Variants in PDE10A observed in about 807,000 individuals in gnomAD.
PDE10A encodes the protein phosphodiesterase 10A.
A neutral mutation model predicts 97.7 loss-of-function variants in PDE10A; 39 were observed. The observed-to-expected ratio is 0.40, with a 90% confidence interval of 0.31 to 0.52. PDE10A has a LOEUF of 0.52. PDE10A is among the 20% of genes least tolerant of loss of function. The pLI, the probability that PDE10A is intolerant of heterozygous loss-of-function variation, is 0.56. For missense variants in PDE10A, 731 were observed against 1,047.8 expected, an observed-to-expected ratio of 0.70 and a Z score of 4.17; for synonymous variants, 371 against 376.8, an observed-to-expected ratio of 0.98 and a Z score of 0.18.
At chr6:165,479,963 C>T (rs182510424) in intron 3 of PDE10A, among the ~76,000 whole-genome samples, 4 of 152,210 alleles carry the variant, frequency 2.6e-5, no homozygotes, top group Admixed American at 6.5e-5. Flanking sequence ...CCATTAAAAC[C>T]GTACTGACAG....
chr6:165,336,742 C>T (rs971891017), intron 20 of PDE10A, among the ~76,000 whole-genome samples: 2 of 126,068 alleles, frequency 1.6e-5, no homozygotes, highest in African/African-American at 6.2e-5. Context: ...GGCGACAGAG[C>T]GAGACTCCGT....
At chr6:165,625,879 T>G (rs568099612) in intron 1 of PDE10A, among the ~76,000 whole-genome samples, 2 of 152,290 alleles carry the variant, frequency 1.3e-5, no homozygotes, top group Admixed American at 6.5e-5. Flanking sequence ...ACACTAACTT[T>G]CCATGAAAAC....
At chr6:165,468,812 GGATT>G (rs1249259614) in intron 3 of PDE10A, among the ~76,000 whole-genome samples, 3 of 152,150 alleles carry the variant, frequency 2.0e-5, no homozygotes, top group Non-Finnish European at 2.9e-5. Flanking sequence ...CTCCATTACT[GGATT>G]GTTATTATAT....
intron 1 of PDE10A, among the ~76,000 whole-genome samples, chr6:165,577,332 C>T (rs1264249527): frequency 6.6e-6 from 1 of 152,120 alleles, no homozygotes; most frequent in Non-Finnish European, 1.5e-5. Flanking sequence ...TCCTGGGGGA[C>T]GTGGAGTGAT....
chr6:165,873,859 G>GT (rs1276932918), intron 1 of PDE10A, among the ~76,000 whole-genome samples: 5 of 152,034 alleles, frequency 3.3e-5, no homozygotes, highest in South Asian at 4.2e-4. Flanking sequence ...TTACTACTGG[G>GT]TTTTTTTAAA....
upstream of PDE10A, among the ~76,000 whole-genome samples, chr6:165,666,055 G>C (rs890382183): frequency 2.0e-5 from 3 of 152,176 alleles, no homozygotes; most frequent in Non-Finnish European, 2.9e-5. Context: ...ATTTTGAAAT[G>C]AGGATTTTCC....
intron 2 of PDE10A, among the ~76,000 whole-genome samples, chr6:165,535,838 T>C (rs1386110784): frequency 6.6e-6 from 1 of 151,792 alleles, no homozygotes; most frequent in East Asian, 1.9e-4. Flanking sequence ...CAAAAAAATA[T>C]GGAATTATGT....
At chr6:165,741,608 A>G (rs749962808) in intron 1 of PDE10A, among the ~76,000 whole-genome samples, 5 of 152,204 alleles carry the variant, frequency 3.3e-5, no homozygotes, top group Admixed American at 3.3e-4. Flanking sequence ...TGTTTTTTAA[A>G]AAGCATGTCA....
intron 1 of PDE10A, among the ~76,000 whole-genome samples, chr6:165,572,833 TC>T (rs1412941026): frequency 3.3e-5 from 5 of 152,178 alleles, no homozygotes; most frequent in Non-Finnish European, 7.4e-5. Context: ...TGAGACCCTG[TC>T]TCAAACAAAC....
intron 1 of PDE10A, among the ~76,000 whole-genome samples, chr6:165,555,523 T>C (rs1322034405): frequency 6.6e-6 from 1 of 152,170 alleles, no homozygotes; most frequent in Non-Finnish European, 1.5e-5. Context: ...AGAAATATTA[T>C]GAAATTAAGA....
chr6:165,980,634 T>G (rs967301644), intron 1 of PDE10A, among the ~76,000 whole-genome samples: 2 of 152,208 alleles, frequency 1.3e-5, no homozygotes, highest in African/African-American at 2.4e-5. Flanking sequence ...ACCCTGCATG[T>G]GCTCAGGAAA....
chr6:165,602,657 T>C (rs1428345363), intron 1 of PDE10A, among the ~76,000 whole-genome samples: 4 of 152,204 alleles, frequency 2.6e-5, no homozygotes, highest in African/African-American at 9.6e-5. Context: ...AAAGGTACTT[T>C]TGTATTATTT....
At chr6:165,867,132 A>G (rs1295224117) in intron 1 of PDE10A, among the ~76,000 whole-genome samples, 1 of 151,982 alleles carries the variant, frequency 6.6e-6, no homozygotes, top group Non-Finnish European at 1.5e-5. Flanking sequence ...AAACAATCAG[A>G]AAATAATTAA....
intron 2 of PDE10A, among the ~76,000 whole-genome samples, chr6:165,487,975 G>T (rs1583390059): frequency 1.0e-5 from 1 of 97,792 alleles, no homozygotes; most frequent in East Asian, 3.0e-4. Context: ...ACATGGAAAA[G>T]AAGAAAATTG....
At chr6:165,689,907 A>T (rs1379838714) in intron 1 of PDE10A, among the ~76,000 whole-genome samples, 1 of 152,222 alleles carries the variant, frequency 6.6e-6, no homozygotes, top group Non-Finnish European at 1.5e-5. Flanking sequence ...CCACCGGGTG[A>T]GTACAATGTG....
At chr6:165,893,525 G>A (rs1007568639) in intron 1 of PDE10A, among the ~76,000 whole-genome samples, 1 of 152,162 alleles carries the variant, frequency 6.6e-6, no homozygotes, top group Non-Finnish European at 1.5e-5. Context: ...TTAATTTGAC[G>A]GAGGAAACAC....
chr6:165,823,788 A>G (rs1318203264), intron 1 of PDE10A, among the ~76,000 whole-genome samples: 4 of 151,964 alleles, frequency 2.6e-5, no homozygotes, highest in African/African-American at 9.7e-5. Context: ...GAAGACTATG[A>G]CGTCACTGGG....
chr6:165,375,903 C>A (rs1242112621), intron 18 of PDE10A, among the ~76,000 whole-genome samples: 1 of 152,158 alleles, frequency 6.6e-6, no homozygotes, highest in Admixed American at 6.5e-5. Context: ...CATTCTAAGC[C>A]TACTATCAAA....
At chr6:165,625,263 G>A (rs530806920) in intron 1 of PDE10A, among the ~76,000 whole-genome samples, 27 of 152,364 alleles carry the variant, frequency 1.8e-4, no homozygotes, top group African/African-American at 6.3e-4. Context: ...CAAGGAGCCA[G>A]GCCAAGGCCG....
Sources: gnomAD v4.1 joint callset for allele counts (sites outside exome capture counted in the v4.1 genomes callset) on GRCh38, gnomAD v4.1.1 for gene constraint, MANE v1.5 for transcripts, NCBI Gene and HGNC (gene_info 2026-07-23, HGNC 2026-07-21) for gene names.